TNS3: variants seen among roughly 807,000 people sequenced by gnomAD.
TNS3 encodes tensin 3.
In TNS3, 45 loss-of-function variants were observed where a neutral mutation model predicts 140.9. The ratio of observed to expected loss-of-function variants is 0.32; its 90% CI spans 0.25 to 0.41. The LOEUF is 0.41. TNS3 is among the 10% of genes least tolerant of loss of function. The pLI, the probability that TNS3 is intolerant of heterozygous loss-of-function variation, is 1.00. For synonymous variants in TNS3, 815 were observed against 788.4 expected (o/e 1.03, Z -0.56); for missense variants, 1,716 against 1,906.7 (o/e 0.90, Z 1.86).
chr7:47,389,753 T>C (rs140815744), intron 16 of TNS3, among the ~76,000 whole-genome samples: 1 of 152,292 alleles, frequency 6.6e-6, no homozygotes, highest in Non-Finnish European at 1.5e-5. Context: ...TGAGGAAGAT[T>C]TGCTGTTTGG....
chr7:47,457,196 G>T (rs1584703405), intron 4 of TNS3, among the ~76,000 whole-genome samples: 1 of 132,640 alleles, frequency 7.5e-6, no homozygotes, highest in Admixed American at 7.8e-5. Flanking sequence ...GAGGGGAGGG[G>T]AGAGGCAACC....
chr7:47,287,700 G>A (rs924567220), intron 27 of TNS3, among the ~76,000 whole-genome samples: 8 of 152,196 alleles, frequency 5.3e-5, no homozygotes, highest in South Asian at 4.1e-4. Flanking sequence ...TCCTGGTTCC[G>A]TGGCTTGGAA....
At chr7:47,540,847 T>G (rs10245886) in intron 1 of TNS3, among the ~76,000 whole-genome samples, 47,785 of 152,070 alleles carry the variant, frequency 0.31, 8,293 homozygotes, top group African/African-American at 0.46. Context: ...AAGAAGCAAG[T>G]ACAGGGTGGT....
At chr7:47,339,676 G>A (rs1161981948) in intron 20 of TNS3, among the ~76,000 whole-genome samples, 1 of 151,918 alleles carries the variant, frequency 6.6e-6, no homozygotes, top group African/African-American at 2.4e-5. Context: ...TGGTTCCTTA[G>A]CCTTTCCACA....
intron 1 of TNS3, chr7:47,539,013 C>T (rs1799704784): frequency 1.1e-5 from 5 of 456,420 alleles, no homozygotes; most frequent in South Asian, 6.2e-5. Context: ...GGATATGCTG[C>T]TGTCATGGTT....
intron 1 of TNS3, among the ~76,000 whole-genome samples, chr7:47,577,464 C>T (rs569406450): frequency 2.0e-5 from 3 of 152,240 alleles, no homozygotes; most frequent in East Asian, 1.9e-4. Context: ...GCAGGCACGC[C>T]GCAGCTCCTG....
rs114287731 is a variant in TNS3 at position 47,483,934 on chromosome 7, C to A, written c.-114-2793G>T. 7.4e-3 allele frequency among the ~76,000 whole-genome samples: 1,133 copies of A among 152,332 alleles called. 12 individuals are homozygous for A. The highest frequency in any genetic ancestry group is 0.026 in the African/African-American group (1,069 of 41,582). Reference sequence around the variant, plus strand: ...TCACTTGGAAATGAAGCAGACTGGTCCCTAACCCCACAGAGCTTACGGCTC... The same window carrying A: ...TCACTTGGAAATGAAGCAGACTGGTACCTAACCCCACAGAGCTTACGGCTC... On this transcript the variant is annotated intron_variant, in intron 3 of 30. Transcript: ENST00000311160.
chr7:47,303,611 C>A, intron 21 of TNS3, 27 bp from the exon 22 acceptor site: 1 of 1,558,750 alleles, frequency 6.4e-7, no homozygotes. Flanking sequence ...CCGACCAAGA[C>A]AGCATGTAAG....
intron 3 of TNS3, among the ~76,000 whole-genome samples, chr7:47,489,849 A>G (rs751093419): frequency 6.6e-6 from 1 of 152,178 alleles, no homozygotes. Flanking sequence ...TCCTGCAGTG[A>G]GTCTGTCTTA....
At chr7:47,494,088 G>A (rs891378371) in intron 3 of TNS3, among the ~76,000 whole-genome samples, 10 of 152,122 alleles carry the variant, frequency 6.6e-5, no homozygotes. Context: ...ACCTAAACTG[G>A]TTCCTGCAGG....
At chr7:47,485,509 G>A (rs1157359756) in intron 3 of TNS3, among the ~76,000 whole-genome samples, 1 of 152,216 alleles carries the variant, frequency 6.6e-6, no homozygotes, top group Non-Finnish European at 1.5e-5. Context: ...AGCTCCCTCA[G>A]GGATTAGGGT....
intron 4 of TNS3, among the ~76,000 whole-genome samples, chr7:47,453,454 AC>A (rs1417538649): frequency 6.6e-6 from 1 of 152,094 alleles, no homozygotes; most frequent in East Asian, 1.9e-4. Flanking sequence ...CCTGATGCCC[AC>A]TGGCCTTCCT....
intron 3 of TNS3, among the ~76,000 whole-genome samples, chr7:47,482,038 T>G (rs921729897): frequency 1.2e-4 from 18 of 152,228 alleles, no homozygotes; most frequent in African/African-American, 4.1e-4. Flanking sequence ...GGCATTGCGC[T>G]GCTCTGGGGG....
At chr7:47,409,271 G>GC (rs1210397315) in intron 13 of TNS3, among the ~76,000 whole-genome samples, 2 of 151,804 alleles carry the variant, frequency 1.3e-5, no homozygotes, top group Non-Finnish European at 1.5e-5. Flanking sequence ...GACTGCCCCC[G>GC]CCCGCCTGGT....
intron 1 of TNS3, among the ~76,000 whole-genome samples, chr7:47,542,860 G>A (rs551542639): frequency 1.3e-5 from 2 of 149,566 alleles, no homozygotes; most frequent in Admixed American, 1.3e-4. Flanking sequence ...AATCCAGGAG[G>A]CAGAGGTTGC....
chr7:47,450,470 C>A (rs769024789), intron 4 of TNS3, among the ~76,000 whole-genome samples: 2 of 152,236 alleles, frequency 1.3e-5, no homozygotes, highest in African/African-American at 2.4e-5. Flanking sequence ...GACCTCAGTA[C>A]CCTGTGCCTA....
chr7:47,458,610 C>T (rs1053015387), intron 4 of TNS3, among the ~76,000 whole-genome samples: 3 of 152,248 alleles, frequency 2.0e-5, no homozygotes, highest in Non-Finnish European at 4.4e-5. Context: ...GCTCAAGCCA[C>T]CTCCTGTGAG....
intron 16 of TNS3, among the ~76,000 whole-genome samples, 159 bp from the exon 17 acceptor site, chr7:47,369,780 A>G (rs1790946667): frequency 6.6e-6 from 1 of 152,240 alleles, no homozygotes; most frequent in African/African-American, 2.4e-5. Context: ...ACAAAGTTCT[A>G]TATATACTCT....
At chr7:47,534,584 C>G (rs1799534123) in intron 1 of TNS3, among the ~76,000 whole-genome samples, 1 of 152,122 alleles carries the variant, frequency 6.6e-6, no homozygotes, top group African/African-American at 2.4e-5. Flanking sequence ...GTCAAACCCC[C>G]CACCCCAGCT....
Sources: allele counts gnomAD v4.1 joint callset (sites outside exome capture counted in the v4.1 genomes callset), GRCh38; gene constraint gnomAD v4.1.1; transcripts MANE v1.5; gene names NCBI Gene and HGNC (gene_info 2026-07-23, HGNC 2026-07-21).